Variants in ZNF331 observed in about 807,000 individuals in gnomAD.
The protein encoded by ZNF331 is zinc finger protein 331.
A neutral mutation model predicts 7.0 loss-of-function variants in ZNF331; 2 were observed. That is an observed-to-expected ratio of 0.29 (90% CI 0.12 to 0.90). ZNF331 has a LOEUF of 0.90. Among genes scored for constraint, ZNF331 ranks in the 40% least tolerant of loss-of-function variants. The probability of loss-of-function intolerance (pLI) is 0.58; values close to 1 mark genes in which losing one functional copy is unlikely to be tolerated. For missense variants in ZNF331, 432 were observed against 587.7 expected (o/e 0.74, Z 2.74); for synonymous variants, 196 against 205.4 (o/e 0.95, Z 0.39).
At chr19:53,520,807 G>A (rs887783365), upstream of ZNF331, among the ~76,000 whole-genome samples, 22 of 152,248 alleles carry the variant, frequency 1.4e-4, no homozygotes, top group African/African-American at 5.3e-4. Flanking sequence ...CCTCAAGGCA[G>A]GACGCCCTTA....
At chr19:53,524,573 T>C in intron 2 of ZNF331, among the ~76,000 whole-genome samples, 1 of 152,274 alleles carries the variant, frequency 6.6e-6, no homozygotes, top group Non-Finnish European at 1.5e-5. Flanking sequence ...TTTTGAGAAG[T>C]GTCTGTTCAT....
Position 53,560,818 on chromosome 19 carries a change from C to T in ZNF331, c.-74+4910C>T, listed in dbSNP as rs1166943220. Among the ~76,000 whole-genome samples the T allele has an allele frequency of 6.6e-6, 1 of 152,130 alleles. No homozygotes were observed. The highest frequency in any genetic ancestry group is 2.1e-4 in the South Asian group (1 of 4,824). ...TTTAAGGACTCTGGTCATTACATTG[C>T]GCTTGCTTCTATAACTCAAGAGAAT... On this transcript the variant is annotated intron_variant, in intron 3 of 5. Transcript: ENST00000449416. The surrounding 1 kb of genome is among the most constrained non-coding windows in gnomAD (Gnocchi z 4.3).
intron 2 of ZNF331, among the ~76,000 whole-genome samples, chr19:53,541,294 G>A (rs1393767149): frequency 1.3e-5 from 2 of 151,798 alleles, no homozygotes; most frequent in African/African-American, 2.4e-5. Context: ...TAGTAGAGAC[G>A]GGGTTTCTCT....
At chr19:53,528,478 T>C (rs552543733) in intron 2 of ZNF331, among the ~76,000 whole-genome samples, 115 of 152,364 alleles carry the variant, frequency 7.5e-4, no homozygotes, top group Admixed American at 1.3e-3. Flanking sequence ...TCTTACTTGA[T>C]AATTGAGATA....
chr19:53,577,856 G>T lies in ZNF331; in HGVS notation c.1296G>T (p.Thr432=). 1 of 1,613,212 alleles carries T rather than the reference G, an allele frequency of 6.2e-7. No homozygotes were observed. The highest frequency in any genetic ancestry group is 1.3e-5 in the African/African-American group (1 of 74,786). ...HGHQLTQHQK[T]HSGAKSYECK... ...ATCAGCTTACACAACATCAGAAAAC[G>T]CACAGTGGGGCGAAATCCTACGAAT... The change falls in exon 6 of 6, where the codon ACG becomes ACT. Residue 432 remains threonine, a synonymous_variant. Coordinates refer to ENST00000449416, the MANE Select transcript of ZNF331 (RefSeq NM_001079906.2).
Position 53,576,800 on chromosome 19 carries a change from C to A in ZNF331, c.240C>A (p.Gly80=). The A allele has an allele frequency of 6.2e-7, 1 of 1,614,076 alleles. No homozygotes were observed. Among genetic ancestry groups the A allele is most frequent in the South Asian group, 1.1e-5 (1 of 91,078 alleles). The change falls in exon 6 of 6, where the codon GGC becomes GGA. Residue 80 remains glycine (G), a synonymous_variant. Coordinates refer to ENST00000449416, the MANE Select transcript of ZNF331 (RefSeq NM_001079906.2). The part of the protein sequence containing the change: ...RNSDRRSKSL[G]RNWICEGTLE... ...CAGATAGAAGAAGTAAATCCCTTGGCCGTAACTGGATATGTGAAGGTACGC... is the reference window on the plus strand; with the variant it reads ...CAGATAGAAGAAGTAAATCCCTTGGACGTAACTGGATATGTGAAGGTACGC...
intron 2 of ZNF331, chr19:53,554,581 C>T (rs1203505608): frequency 6.6e-6 from 1 of 152,298 alleles, no homozygotes; most frequent in East Asian, 1.9e-4. Context: ...GCGGCTCTAT[C>T]TCCCGTAACT....
At chr19:53,559,893 TACAC>T (rs1352457406) in intron 3 of ZNF331, among the ~76,000 whole-genome samples, 1 of 149,424 alleles carries the variant, frequency 6.7e-6, no homozygotes, top group South Asian at 2.1e-4. Flanking sequence ...ACACATGCCA[TACAC>T]ACACATATGT....
chr19:53,571,467 C>T lies in ZNF331; in HGVS notation c.10-137C>T. The stretch of plus-strand genomic sequence containing the variant: ...CTTCCGTCACAGTTACAGTGATGTC[C>T]TTACCGCCCCTTGCCGATGTCACGG... On this transcript the variant is annotated intron_variant, in intron 4 of 5. Transcript: ENST00000449416. This position sits in a 1 kb window ranked among gnomAD's most constrained non-coding sequence, Gnocchi z 4.7. The T allele has an allele frequency of 1.9e-6, 2 of 1,059,154 alleles. No individual in the cohort carries two copies. Among genetic ancestry groups the T allele is most frequent in the Middle Eastern group, 2.9e-4 (1 of 3,456 alleles). The allele number at this position is 1,059,154 out of a possible 1,614,324, so 65.6% of individuals were successfully genotyped here.
intron 5 of ZNF331, among the ~76,000 whole-genome samples, chr19:53,572,158 G>A (rs1468120174): frequency 6.6e-6 from 1 of 152,158 alleles, no homozygotes; most frequent in East Asian, 1.9e-4. Context: ...AAGTACAGTA[G>A]ATCAGACAAA....
At chr19:53,515,532 T>G (rs2086884193), upstream of ZNF331, among the ~76,000 whole-genome samples, 1 of 152,182 alleles carries the variant, frequency 6.6e-6, no homozygotes, top group Non-Finnish European at 1.5e-5. Context: ...AGTTTCGTTC[T>G]TGTTGCCCAG....
chr19:53,572,697 TGC>T (rs918483430), intron 5 of ZNF331, among the ~76,000 whole-genome samples: 4 of 151,300 alleles, frequency 2.6e-5, no homozygotes, highest in African/African-American at 9.7e-5. Context: ...CCATGCACTG[TGC>T]TAAGCACTGT....
At chr19:53,520,048 A>G (rs1459084147), upstream of ZNF331, among the ~76,000 whole-genome samples, 1 of 151,568 alleles carries the variant, frequency 6.6e-6, no homozygotes, top group Non-Finnish European at 1.5e-5. Flanking sequence ...GCTTATTATT[A>G]TTATTATTAT....
chr19:53,554,723 A>C (rs2089261235), intron 2 of ZNF331: 1 of 152,102 alleles, frequency 6.6e-6, no homozygotes, highest in Admixed American at 6.6e-5. Context: ...CTCCAAGGGG[A>C]GACGGGCACG....
In ZNF331 at chr19:53,560,046, A is replaced by G. The variant is rs2089770125; in HGVS notation, c.-74+4138A>G. On this transcript the variant is annotated intron_variant, in intron 3 of 5. Coordinates refer to ENST00000449416, the MANE Select transcript of ZNF331 (RefSeq NM_001079906.2). The surrounding 1 kb of genome is among the most constrained non-coding windows in gnomAD (Gnocchi z 4.3). Reference sequence around the variant, plus strand: ...CCATACACATGCATACCTCATATATACATATACACACCTACATATACATAC... The same window carrying G: ...CCATACACATGCATACCTCATATATGCATATACACACCTACATATACATAC... 1.3e-5 allele frequency among the ~76,000 whole-genome samples: 2 copies of G among 151,408 alleles called. No individual in the cohort carries two copies. Among genetic ancestry groups the G allele is most frequent in the Non-Finnish European group, 2.9e-5 (2 of 67,810 alleles).
chr19:53,577,976 C>G lies in ZNF331; in HGVS notation c.*24C>G. Reference sequence around the variant, plus strand: ...GAAGAGCCTTTTGAACGCAGTAGCCCGCTCGTATCTATGGTTTCGCTTTCC... The same window carrying G: ...GAAGAGCCTTTTGAACGCAGTAGCCGGCTCGTATCTATGGTTTCGCTTTCC... On this transcript the variant is annotated 3_prime_UTR_variant, in exon 6 of 6. Transcript: ENST00000449416. 6.3e-7 allele frequency: 1 copy of G among 1,584,194 alleles called. No individual in the cohort carries two copies. The highest frequency in any genetic ancestry group is 8.6e-7 in the Non-Finnish European group (1 of 1,162,100).
Position 53,571,655 on chromosome 19 carries a change from G to T in ZNF331, c.61G>T (p.Ala21Ser). 1 of 1,614,094 alleles carries T rather than the reference G, an allele frequency of 6.2e-7. No individual in the cohort carries two copies. Among genetic ancestry groups the T allele is most frequent in the Non-Finnish European group, 8.5e-7 (1 of 1,180,010 alleles). Residue 21 changes from alanine (A) to serine (S), a missense_variant, in exon 5 of 6, where the codon GCC (alanine) becomes TCC (serine). This residue lies in a region of ZNF331 where 39 missense variants were observed against 68.8 expected (regional missense o/e 0.57). Transcript: ENST00000449416. This position sits in a 1 kb window ranked among gnomAD's most constrained non-coding sequence, Gnocchi z 4.7. Reference protein sequence around the residue: ...VAIDFSQEEWACLNSAQRDLY... With the variant: ...VAIDFSQEEWSCLNSAQRDLY... ...CATAGACTTTTCTCAGGAGGAGTGGGCCTGTCTGAACTCTGCTCAGAGGGA... is the reference window on the plus strand; with the variant it reads ...CATAGACTTTTCTCAGGAGGAGTGGTCCTGTCTGAACTCTGCTCAGAGGGA...
At chr19:53,505,245 T>A in the ZNF331 span, among the ~76,000 whole-genome samples, 3 of 152,072 alleles carry the variant, frequency 2.0e-5, no homozygotes, top group African/African-American at 7.2e-5. Flanking sequence ...GCTTAGAGGT[T>A]TTTGGGAGGA....
At chr19:53,516,248 C>T (rs765143521), upstream of ZNF331, among the ~76,000 whole-genome samples, 9 of 151,914 alleles carry the variant, frequency 5.9e-5, no homozygotes, top group Non-Finnish European at 1.0e-4. Context: ...GTCAGGAGTT[C>T]GAGACCAGCC....
Sources: gnomAD v4.1 joint callset for allele counts (sites outside exome capture counted in the v4.1 genomes callset) on GRCh38, gnomAD v4.1.1 for gene constraint, gnomAD v4.1.1 regional missense constraint, Gnocchi (gnomAD v3.1) non-coding constraint, MANE v1.5 for transcripts, NCBI Gene and HGNC (gene_info 2026-07-23, HGNC 2026-07-21) for gene names.